Variants in PLCXD2 observed in about 807,000 individuals in gnomAD.
The protein encoded by PLCXD2 is PI-PLC X domain-containing protein 2.
PLCXD2 carries 21 observed loss-of-function variants against 28.6 expected under a neutral mutation model. That is an observed-to-expected ratio of 0.73 (90% CI 0.52 to 1.06). PLCXD2 has a LOEUF of 1.06. PLCXD2 is among the 50% of genes least tolerant of loss of function. The pLI, the probability that PLCXD2 is intolerant of heterozygous loss-of-function variation, is 0.00. For synonymous variants in PLCXD2, 140 were observed against 150.1 expected (o/e 0.93, Z 0.49); for missense variants, 369 against 376.7 (o/e 0.98, Z 0.17).
intron 1 of PLCXD2, among the ~76,000 whole-genome samples, chr3:111,695,048 T>A (rs1940941986): frequency 6.6e-6 from 1 of 151,508 alleles, no homozygotes. Context: ...TTCGTTTTAG[T>A]ACATTTGAAA....
chr3:111,703,618 C>T (rs1941077580), intron 1 of PLCXD2, among the ~76,000 whole-genome samples: 1 of 152,214 alleles, frequency 6.6e-6, no homozygotes, highest in Non-Finnish European at 1.5e-5. Context: ...CAATCCTGAA[C>T]AGCTGGGCTG....
intron 1 of PLCXD2, among the ~76,000 whole-genome samples, chr3:111,687,621 CTTCA>C (rs1940813239): frequency 6.6e-6 from 1 of 151,728 alleles, no homozygotes; most frequent in Non-Finnish European, 1.5e-5. Context: ...CCCTAAATAT[CTTCA>C]GCATTTAAGA....
At chr3:111,720,432 G>T (rs1427388158) in intron 3 of PLCXD2, among the ~76,000 whole-genome samples, 5 of 152,080 alleles carry the variant, frequency 3.3e-5, no homozygotes, top group Non-Finnish European at 5.9e-5. Context: ...ACCGCACTGG[G>T]CCTGATCTTA....
intron 1 of PLCXD2, among the ~76,000 whole-genome samples, chr3:111,703,039 A>T (rs530598452): frequency 1.3e-5 from 2 of 152,358 alleles, no homozygotes; most frequent in East Asian, 3.9e-4. Context: ...CACCCACTCC[A>T]TATGACATGA....
chr3:111,693,424 A>G (rs896884028), intron 1 of PLCXD2, among the ~76,000 whole-genome samples: 1 of 152,208 alleles, frequency 6.6e-6, no homozygotes, highest in African/African-American at 2.4e-5. Context: ...AGCAACGTGA[A>G]GCTTAAGCTA....
chr3:111,695,364 G>C (rs566399498), intron 1 of PLCXD2, among the ~76,000 whole-genome samples: 15 of 152,220 alleles, frequency 9.9e-5, no homozygotes, highest in African/African-American at 3.6e-4. Flanking sequence ...AATTTTTCCT[G>C]TACATACATG....
At chr3:111,699,156 C>T (rs1941005842) in intron 1 of PLCXD2, among the ~76,000 whole-genome samples, 1 of 152,130 alleles carries the variant, frequency 6.6e-6, no homozygotes, top group South Asian at 2.1e-4. Flanking sequence ...CTTAGGGTCA[C>T]CATCCTCACC....
chr3:111,698,060 A>G (rs769921322), intron 1 of PLCXD2, among the ~76,000 whole-genome samples: 2 of 152,200 alleles, frequency 1.3e-5, no homozygotes, highest in Non-Finnish European at 2.9e-5. Context: ...ATCCTCAAAT[A>G]TAAATATTTA....
At chr3:111,683,843 A>G (rs551631548) in intron 1 of PLCXD2, among the ~76,000 whole-genome samples, 2 of 152,342 alleles carry the variant, frequency 1.3e-5, no homozygotes, top group East Asian at 3.9e-4. Context: ...TAAACCCTGA[A>G]AAATACACAG....
chr3:111,714,868 A>T (rs1941248174), intron 3 of PLCXD2, among the ~76,000 whole-genome samples: 1 of 152,254 alleles, frequency 6.6e-6, no homozygotes, highest in Non-Finnish European at 1.5e-5. Context: ...TGTTATAAAT[A>T]CATTTGGATA....
intron 2 of PLCXD2, among the ~76,000 whole-genome samples, chr3:111,708,623 T>G (rs994253716): frequency 1.3e-5 from 2 of 152,132 alleles, no homozygotes; most frequent in Non-Finnish European, 2.9e-5. Context: ...CTAATTGACT[T>G]TTAGTGGCCT....
chr3:111,686,564 A>G (rs1940798377), intron 1 of PLCXD2, among the ~76,000 whole-genome samples: 1 of 152,172 alleles, frequency 6.6e-6, no homozygotes, highest in Non-Finnish European at 1.5e-5. Context: ...TCAAGGGACT[A>G]CTAAGTGGCC....
chr3:111,684,170 A>G (rs1253448806), intron 1 of PLCXD2, among the ~76,000 whole-genome samples: 3 of 151,844 alleles, frequency 2.0e-5, no homozygotes, highest in Non-Finnish European at 4.4e-5. Context: ...TCTCTACTAA[A>G]AATACAAAAA....
chr3:111,680,381 A>G (rs1207230181), intron 1 of PLCXD2, among the ~76,000 whole-genome samples: 3 of 152,158 alleles, frequency 2.0e-5, no homozygotes, highest in Admixed American at 2.0e-4. Context: ...GCCCTAAAAC[A>G]AATCCATTTT....
intron 1 of PLCXD2, among the ~76,000 whole-genome samples, chr3:111,700,560 C>G (rs1398262657): frequency 1.3e-5 from 2 of 151,978 alleles, no homozygotes; most frequent in Non-Finnish European, 2.9e-5. Context: ...CCAATTACTT[C>G]CTAAGATCAT....
chr3:111,692,108 C>T (rs1422342351), intron 1 of PLCXD2, among the ~76,000 whole-genome samples: 1 of 152,212 alleles, frequency 6.6e-6, no homozygotes, highest in African/African-American at 2.4e-5. Context: ...GTGGCGCGAT[C>T]TCGGCTCACT....
rs767184945 is a variant in PLCXD2, at chr3:111,714,104, G to A, written c.842G>A (p.Gly281Asp). 1.9e-6 allele frequency: 3 copies of A among 1,613,964 alleles called. No individual in the cohort carries two copies. The Admixed American group carries it at 5.0e-5, about 27-fold the overall frequency. The change falls in exon 3 of 5, where the codon GGC (glycine) becomes GAC (aspartate). Residue 281 changes from glycine (G) to aspartate (D), a missense_variant. Transcript: ENST00000477665. ...ACCATTGCCCGGGGCTTGGTTGGGG[G>A]CCTCAAGAACACGCTGGTTCATAGG... is the stretch of plus-strand genomic sequence containing the variant.
intron 1 of PLCXD2, among the ~76,000 whole-genome samples, chr3:111,702,505 G>A (rs933906678): frequency 2.0e-5 from 3 of 152,190 alleles, no homozygotes; most frequent in African/African-American, 7.2e-5. Flanking sequence ...AGACAAAGGG[G>A]TACCACTTAA....
chr3:111,701,978 C>CAGG (rs1209422124), intron 1 of PLCXD2, among the ~76,000 whole-genome samples: 1 of 151,948 alleles, frequency 6.6e-6, no homozygotes, highest in Non-Finnish European at 1.5e-5. Context: ...CCATTGGAGG[C>CAGG]AGGCCATAGC....
Sources: allele counts gnomAD v4.1 joint callset (sites outside exome capture counted in the v4.1 genomes callset), GRCh38; gene constraint gnomAD v4.1.1; transcripts MANE v1.5; gene names NCBI Gene and HGNC (gene_info 2026-07-23, HGNC 2026-07-21).